The following NME9 variants were observed in gnomAD, a reference collection of about 807,000 sequenced individuals.
The protein encoded by NME9 is thioredoxin domain-containing protein 6.
A neutral mutation model predicts 44.4 loss-of-function variants in NME9; 48 were observed. That is an observed-to-expected ratio of 1.08 (90% CI 0.86 to 1.37). The LOEUF is 1.37. Among genes scored for constraint, NME9 ranks in the 40% most tolerant of loss-of-function variants. The probability of loss-of-function intolerance (pLI) is 0.00; values close to 1 mark genes in which losing one functional copy is unlikely to be tolerated. For missense variants in NME9, 325 were observed against 405.2 expected (o/e 0.80, Z 1.70); for synonymous variants, 139 against 147.1 (o/e 0.94, Z 0.40).
At chr3:138,276,205 G>A (rs1324793686) in intron 8 of NME9, among the ~76,000 whole-genome samples, 1 of 152,204 alleles carries the variant, frequency 6.6e-6, no homozygotes, top group African/African-American at 2.4e-5. Context: ...AGGCTAAACA[G>A]TCGGCTCACT....
exon 9 of NME9, chr3:138,261,462 A>G (rs909229523): frequency 4.6e-5 from 7 of 152,214 alleles, no homozygotes; most frequent in Admixed American, 3.3e-4. Context: ...CTGAACATCC[A>G]TGTCATATTT....
intron 8 of NME9, among the ~76,000 whole-genome samples, chr3:138,283,284 A>G (rs1158106043): frequency 6.6e-6 from 1 of 152,194 alleles, no homozygotes; most frequent in East Asian, 1.9e-4. Flanking sequence ...CAATTAGCTT[A>G]ATTAGCTTGT....
chr3:138,288,978 T>TC, intron 8 of NME9: 3 of 1,291,384 alleles, frequency 2.3e-6, no homozygotes, highest in Non-Finnish European at 1.1e-6. Flanking sequence ...CTATGGTAGG[T>TC]CCCCCCAAAA....
At chr3:138,286,932 C>G (rs951658006) in intron 8 of NME9, among the ~76,000 whole-genome samples, 6 of 152,186 alleles carry the variant, frequency 3.9e-5, no homozygotes, top group Admixed American at 3.9e-4. Context: ...ATTTCTCCAG[C>G]TCTGTCCCCT....
At chr3:138,304,264 A>G (rs1384948043) in intron 9 of NME9, among the ~76,000 whole-genome samples, 1 of 152,154 alleles carries the variant, frequency 6.6e-6, no homozygotes, top group African/African-American at 2.4e-5. Flanking sequence ...TACACCTACA[A>G]AGTACAACTG....
intron 8 of NME9, chr3:138,284,323 C>T: frequency 1.3e-6 from 1 of 761,080 alleles, no homozygotes; most frequent in East Asian, 2.5e-5. Context: ...AGAGTGGAAC[C>T]TGTGAGAATC....
intron 8 of NME9, among the ~76,000 whole-genome samples, chr3:138,277,332 GATCTT>G (rs764592189): frequency 3.5e-4 from 54 of 152,218 alleles, no homozygotes; most frequent in Admixed American, 5.9e-4. Flanking sequence ...AAATCTTTGA[GATCTT>G]AGATTAGGCG....
At chr3:138,287,882 A>T (rs922729336) in intron 8 of NME9, 2 of 289,890 alleles carry the variant, frequency 6.9e-6, no homozygotes, top group Middle Eastern at 1.1e-3. Context: ...GACCAATAGG[A>T]CAATCATCTA....
chr3:138,276,510 A>G (rs954573851), intron 8 of NME9, among the ~76,000 whole-genome samples: 1 of 152,228 alleles, frequency 6.6e-6, no homozygotes, highest in African/African-American at 2.4e-5. Context: ...CAGATTGGAA[A>G]GGACAGTATG....
At chr3:138,278,692 T>A (rs2049557574) in intron 8 of NME9, among the ~76,000 whole-genome samples, 1 of 152,208 alleles carries the variant, frequency 6.6e-6, no homozygotes, top group Admixed American at 6.5e-5. Flanking sequence ...AATTCATGAA[T>A]ATATCTTCCC....
At chr3:138,277,695 A>G (rs994698090) in intron 8 of NME9, among the ~76,000 whole-genome samples, 9 of 152,346 alleles carry the variant, frequency 5.9e-5, no homozygotes, top group Admixed American at 5.2e-4. Flanking sequence ...TGGAAATGCA[A>G]AATAATACAG....
Position 138,301,604 on chromosome 3 carries a change from C to A in NME9, c.*36G>T. On this transcript the variant is annotated 3_prime_UTR_variant, in exon 11 of 11. Transcript: ENST00000333911. ...GGAGGTCTGTTTTGTGCAGTAGACC[C>A]CTGGTCACGTGCTCTGGAAGAGCAG... The A allele has an allele frequency of 6.5e-7, 1 of 1,535,880 alleles. No homozygotes were observed. The highest frequency in any genetic ancestry group is 1.7e-4 in the Middle Eastern group (1 of 5,988).
intron 8 of NME9, chr3:138,267,365 A>G: frequency 1.8e-6 from 1 of 569,916 alleles, no homozygotes; most frequent in Non-Finnish European, 3.1e-6. Flanking sequence ...GAATTGTTTG[A>G]TTGCATAGCG....
intron 4 of NME9, among the ~76,000 whole-genome samples, chr3:138,315,994 G>C (rs2053053310): frequency 1.3e-5 from 2 of 152,082 alleles, no homozygotes. Context: ...ACCATGCCCG[G>C]CTAATTTTTT....
chr3:138,271,663 C>G (rs764201535), intron 8 of NME9, among the ~76,000 whole-genome samples: 1 of 152,144 alleles, frequency 6.6e-6, no homozygotes, highest in Non-Finnish European at 1.5e-5. Context: ...ATAGAGTATT[C>G]TTTTTGCTCT....
intron 2 of NME9, among the ~76,000 whole-genome samples, chr3:138,322,303 T>C (rs1323973120): frequency 6.8e-6 from 1 of 147,222 alleles, no homozygotes; most frequent in South Asian, 2.2e-4. Flanking sequence ...TCCCTCCCTC[T>C]TGGACGCCCT....
chr3:138,306,274 T>C (rs533785004), intron 7 of NME9, 124 bp downstream of exon 7: 17 of 882,538 alleles, frequency 1.9e-5, no homozygotes, highest in Non-Finnish European at 3.2e-5. Context: ...GAATGGAACT[T>C]GAGCTACAAC....
chr3:138,298,417 AT>A (rs1469669154), downstream of NME9: 1 of 152,262 alleles, frequency 6.6e-6, no homozygotes, highest in Non-Finnish European at 1.5e-5. Context: ...TGTCTAGAAC[AT>A]TAGGAAACAT....
chr3:138,285,299 A>AAT (rs2050300981), intron 8 of NME9, among the ~76,000 whole-genome samples: 1 of 152,156 alleles, frequency 6.6e-6, no homozygotes, highest in South Asian at 2.1e-4. Flanking sequence ...TGTCTTATTA[A>AAT]GAGAAGAGAA....
Sources: gnomAD v4.1 joint callset for allele counts (sites outside exome capture counted in the v4.1 genomes callset) on GRCh38, gnomAD v4.1.1 for gene constraint, MANE v1.5 for transcripts, NCBI Gene and HGNC (gene_info 2026-07-23, HGNC 2026-07-21) for gene names.